CCNL1: variants seen among roughly 807,000 people sequenced by gnomAD.
CCNL1 encodes the protein cyclin-L1.
In CCNL1, 13 loss-of-function variants were observed where a neutral mutation model predicts 60.6. The observed-to-expected ratio is 0.21, with a 90% CI of 0.14 to 0.34. The LOEUF (loss-of-function observed/expected upper bound fraction) is 0.34, where lower values mean the gene tolerates loss of function less well. Ranked by LOEUF, CCNL1 falls within the 10% of genes least tolerant of loss-of-function variation. CCNL1 has a pLI of 1.00. For missense variants in CCNL1, 481 were observed against 664.3 expected, an observed-to-expected ratio of 0.72 and a Z score of 3.03; for synonymous variants, 270 against 244.3, an observed-to-expected ratio of 1.10 and a Z score of -0.98.
downstream of CCNL1, among the ~76,000 whole-genome samples, chr3:157,143,882 G>A (rs760134295): frequency 3.9e-5 from 6 of 152,142 alleles, no homozygotes; most frequent in Non-Finnish European, 4.4e-5. Flanking sequence ...GCATTTTACA[G>A]AGTGATATGG....
At chr3:157,145,158 C>T (rs1036831655), downstream of CCNL1, among the ~76,000 whole-genome samples, 1 of 152,032 alleles carries the variant, frequency 6.6e-6, no homozygotes, top group Non-Finnish European at 1.5e-5. Flanking sequence ...AGGATTTTGC[C>T]GGGCGCGGTG....
In CCNL1 at chr3:157,160,023, G is replaced by A. The variant is rs772252866; in HGVS notation, c.72C>T (p.Gly24=). The A allele has an allele frequency of 1.3e-6, 2 of 1,568,992 alleles. No homozygotes were observed. Among genetic ancestry groups the A allele is most frequent in the South Asian group, 2.3e-5 (2 of 85,626 alleles). The change falls in exon 1 of 11, where the codon GGC becomes GGT. Residue 24 remains glycine (G), a synonymous_variant. Transcript: ENST00000295926. ...TCGTGGTCGTCGTCCCGGAGCTGGA[G>A]CCGCCCGCGCTTGGGGCGGCCGATG... is the stretch of plus-strand genomic sequence containing the variant. ...AASSAAPSAG[G]SSSGTTTTTT...
intron 3 of CCNL1, chr3:157,153,731 T>C (rs1402241904): frequency 1.3e-5 from 2 of 152,038 alleles, no homozygotes; most frequent in African/African-American, 2.4e-5. Context: ...ATGCATTCTA[T>C]ATGGCCAAAA....
At position 157,149,405 on chromosome 3, in the gene CCNL1, A is replaced by G. The variant is rs374807309; in HGVS notation, c.1134-20T>C. The stretch of plus-strand genomic sequence containing the variant: ...CTTACACTTCAAAAAATCATGACAT[A>G]TTAGTTACAAACTTAGTGTGTTAAA... On this transcript the variant is annotated intron_variant, in intron 9 of 10. Coordinates refer to ENST00000295926, the MANE Select transcript of CCNL1 (RefSeq NM_020307.4). 4.3e-6 allele frequency: 7 copies of G among 1,611,468 alleles called. No homozygotes were observed. The highest frequency in any genetic ancestry group is 5.1e-6 in the Non-Finnish European group (6 of 1,177,640).
At chr3:157,153,637 A>AAAACAAAC (rs201302762) in intron 3 of CCNL1, 1 of 153,034 alleles carries the variant, frequency 6.5e-6, no homozygotes, top group African/African-American at 2.4e-5. Flanking sequence ...TTTGACTGGT[A>AAAACAAAC]AAACAAACAA....
chr3:157,156,405 T>C (rs1421200581), intron 3 of CCNL1, among the ~76,000 whole-genome samples: 1 of 152,234 alleles, frequency 6.6e-6, no homozygotes, highest in Non-Finnish European at 1.5e-5. Flanking sequence ...TTGTATTTAC[T>C]AATGAGAATG....
At position 157,148,594 on chromosome 3, in the gene CCNL1, G is replaced by C. The variant is rs1393745948; in HGVS notation, c.1233-5C>G. The C allele has an allele frequency of 1.9e-6, 3 of 1,574,208 alleles. No homozygotes were observed. Among genetic ancestry groups the C allele is most frequent in the East Asian group, 2.2e-5 (1 of 44,544 alleles). Reference sequence around the variant, plus strand: ...CGACTCCGCCTATTATTATAGCTTAGATAATAAAAATTTGAAGTTTAGGTT... The same window carrying C: ...CGACTCCGCCTATTATTATAGCTTACATAATAAAAATTTGAAGTTTAGGTT... On this transcript the variant is annotated splice_polypyrimidine_tract_variant and splice_region_variant and intron_variant, in intron 10 of 10. Coordinates refer to ENST00000295926, the MANE Select transcript of CCNL1 (RefSeq NM_020307.4).
Position 157,158,926 on chromosome 3 carries a change from G to A in CCNL1, c.428C>T (p.Pro143Leu). 6.2e-7 allele frequency: 1 copy of A among 1,613,524 alleles called. No individual in the cohort carries two copies. Among genetic ancestry groups the A allele is most frequent in the Non-Finnish European group, 8.5e-7 (1 of 1,179,862 alleles). The change falls in exon 3 of 11, where the codon CCT becomes CTT. Residue 143 changes from proline (P) to leucine (L), a missense_variant. Transcript: ENST00000295926. ...INLASKIEEA[P>L]RRIRDVINVF... ...ATTAATCACATCTCTTATTCTTCTAGGTGCTTCTTCGATTTTTGATGCAAG... is the reference window on the plus strand; with the variant it reads ...ATTAATCACATCTCTTATTCTTCTAAGTGCTTCTTCGATTTTTGATGCAAG...
downstream of CCNL1, among the ~76,000 whole-genome samples, chr3:157,144,381 C>T (rs149327280): frequency 6.6e-5 from 10 of 152,272 alleles, no homozygotes; most frequent in African/African-American, 2.2e-4. Flanking sequence ...AAAAATAAAT[C>T]CTATTTGCCC....
In CCNL1 at chr3:157,153,166, G is replaced by C. The variant is rs775331643; in HGVS notation, c.489-10C>G. 7 of 1,594,980 alleles carry C rather than the reference G, an allele frequency of 4.4e-6. No individual in the cohort carries two copies. The highest frequency in any genetic ancestry group is 1.1e-5 in the South Asian group (1 of 88,072). On this transcript the variant is annotated splice_polypyrimidine_tract_variant and intron_variant, in intron 3 of 10. Coordinates refer to ENST00000295926, the MANE Select transcript of CCNL1 (RefSeq NM_020307.4). ...CAGGGGGCTTGGAGTCCTATAGTTT[G>C]TAAGAAATAAAATCAAAACTGTTTT...
At chr3:157,150,576 C>A (rs1343965047) in intron 5 of CCNL1, 195 bp from the exon 6 acceptor site, 88 of 1,302,142 alleles carry the variant, frequency 6.8e-5, no homozygotes, top group Non-Finnish European at 8.7e-5. Context: ...GGACCATATG[C>A]GATTTTCCTA....
At chr3:157,145,437 C>CAAAAAAAAAAAAAA (rs56894231), downstream of CCNL1, among the ~76,000 whole-genome samples, 59 of 24,270 alleles carry the variant, frequency 2.4e-3, 9 homozygotes, top group Middle Eastern at 0.062. Context: ...GACTTCATCT[C>CAAAAAAAAAAAAAA]AAAAAAAAAA....
chr3:157,146,683 T>C (rs1170611955), downstream of CCNL1: 2 of 363,042 alleles, frequency 5.5e-6, no homozygotes, highest in African/African-American at 4.3e-5. Flanking sequence ...GACATTTGCC[T>C]TTGCCTTTCT....
At chr3:157,157,904 T>G (rs891593468) in intron 3 of CCNL1, among the ~76,000 whole-genome samples, 4 of 152,212 alleles carry the variant, frequency 2.6e-5, no homozygotes, top group African/African-American at 9.6e-5. Flanking sequence ...TATAGAATAC[T>G]AACAGCACTA....
downstream of CCNL1, among the ~76,000 whole-genome samples, chr3:157,147,049 G>A (rs554892194): frequency 7.9e-5 from 12 of 152,284 alleles, no homozygotes; most frequent in South Asian, 1.0e-3. Context: ...CTCTTCAGAA[G>A]CTGTAACTTT....
chr3:157,144,035 T>C (rs111723496), downstream of CCNL1, among the ~76,000 whole-genome samples: 55 of 152,148 alleles, frequency 3.6e-4, no homozygotes, highest in African/African-American at 1.3e-3. Context: ...TGATAGCTGA[T>C]ACAGGGAAAT....
chr3:157,159,689 G>C, intron 1 of CCNL1, 103 bp downstream of exon 1: 1 of 1,199,444 alleles, frequency 8.3e-7, no homozygotes, highest in South Asian at 1.6e-5. Flanking sequence ...AAAGCCTGAA[G>C]GAACCGTCCC....
chr3:157,158,899 A>T lies in CCNL1; in HGVS notation c.455T>A (p.Val152Glu). 6.2e-7 allele frequency: 1 copy of T among 1,613,118 alleles called. No individual in the cohort carries two copies. The highest frequency in any genetic ancestry group is 1.1e-5 in the South Asian group (1 of 91,032). ...APRRIRDVIN[V>E]FHHLRQLRGK... ...TCTTAACTGGCGGAGGTGGTGGAAT[A>T]CATTAATCACATCTCTTATTCTTCT... The change falls in exon 3 of 11, where the codon GTA becomes GAA. Residue 152 changes from valine (V) to glutamate (E), a missense_variant. Val to Glu is a moderately radical substitution (Grantham distance 121, BLOSUM62 -2). Around this residue, in one of 5 missense-constraint regions of CCNL1, gnomAD observed 130 missense variants for 174.5 expected, o/e 0.75. Transcript: ENST00000295926.
downstream of CCNL1, chr3:157,146,599 A>C: frequency 5.1e-6 from 2 of 389,110 alleles, no homozygotes; most frequent in Admixed American, 3.2e-5. Context: ...ACGTAGCAAG[A>C]CCTCGTCTCT....
Sources: allele counts gnomAD v4.1 joint callset (sites outside exome capture counted in the v4.1 genomes callset), GRCh38; gene constraint gnomAD v4.1.1; regional missense constraint gnomAD v4.1.1; transcripts MANE v1.5; gene names NCBI Gene and HGNC (gene_info 2026-07-23, HGNC 2026-07-21).